The following WDPCP variants were observed in gnomAD, a reference collection of about 807,000 sequenced individuals.
WDPCP encodes the protein WD repeat-containing and planar cell polarity effector protein fritz homolog.
WDPCP carries 71 observed loss-of-function variants against 93.1 expected under a neutral mutation model. That is an observed-to-expected ratio of 0.76 (90% CI 0.63 to 0.93). WDPCP has a LOEUF of 0.93. Ranked by LOEUF, WDPCP falls within the 40% of genes least tolerant of loss-of-function variation. The probability of loss-of-function intolerance (pLI) is 0.00; values close to 1 mark genes in which losing one functional copy is unlikely to be tolerated. For missense variants in WDPCP, 844 were observed against 887.4 expected (o/e 0.95, Z 0.62); for synonymous variants, 315 against 315.0 (o/e 1.00, Z 0.00).
chr2:63,807,301 G>A (rs1265517059), intron 2 of WDPCP, among the ~76,000 whole-genome samples: 13 of 152,176 alleles, frequency 8.5e-5, no homozygotes, highest in African/African-American at 2.2e-4. Flanking sequence ...ATGGCTTAGC[G>A]CCATTCTTGA....
chr2:63,641,904 T>C (rs898252241), intron 3 of WDPCP, among the ~76,000 whole-genome samples: 1 of 152,164 alleles, frequency 6.6e-6, no homozygotes, highest in Non-Finnish European at 1.5e-5. Flanking sequence ...CAATATTTTT[T>C]TAGTAGATTC....
At chr2:63,264,392 C>T (rs972809533) in intron 13 of WDPCP, among the ~76,000 whole-genome samples, 1 of 152,168 alleles carries the variant, frequency 6.6e-6, no homozygotes, top group African/African-American at 2.4e-5. Flanking sequence ...GTAATCCCAG[C>T]ACTTTGGGAG....
intron 14 of WDPCP, among the ~76,000 whole-genome samples, chr2:63,191,028 A>G (rs1289686751): frequency 1.3e-5 from 2 of 152,218 alleles, no homozygotes; most frequent in Admixed American, 6.5e-5. Context: ...CCATGTGCCA[A>G]ATTCAGTTTA....
intron 9 of WDPCP, among the ~76,000 whole-genome samples, chr2:63,428,827 G>A (rs1191897577): frequency 6.6e-6 from 1 of 152,160 alleles, no homozygotes; most frequent in Admixed American, 6.5e-5. Context: ...TAAGAAGACA[G>A]CTAACAAGGG....
intron 12 of WDPCP, among the ~76,000 whole-genome samples, chr2:63,342,028 AG>A (rs1235021884): frequency 1.3e-5 from 2 of 151,954 alleles, no homozygotes; most frequent in African/African-American, 2.4e-5. Context: ...TGGGGTGGGG[AG>A]GGGGTGATAG....
intron 3 of WDPCP, among the ~76,000 whole-genome samples, chr2:63,629,014 A>T (rs1709838975): frequency 6.6e-6 from 1 of 152,260 alleles, no homozygotes; most frequent in African/African-American, 2.4e-5. Flanking sequence ...AAGGTAGAGT[A>T]GACATTCTTT....
chr2:63,749,826 C>G (rs1669853771), intron 2 of WDPCP, among the ~76,000 whole-genome samples: 1 of 152,078 alleles, frequency 6.6e-6, no homozygotes, highest in Non-Finnish European at 1.5e-5. Flanking sequence ...AAAGGACAAA[C>G]TAGGTGCCTA....
chr2:63,818,406 A>T (rs1425972353), intron 1 of WDPCP, among the ~76,000 whole-genome samples: 1 of 152,220 alleles, frequency 6.6e-6, no homozygotes, highest in East Asian at 1.9e-4. Context: ...GTCAACACAT[A>T]ATCAGTGTTG....
chr2:63,575,450 GTA>G (rs1324369296), intron 1 of WDPCP, among the ~76,000 whole-genome samples: 6 of 40,974 alleles, frequency 1.5e-4, no homozygotes, highest in Non-Finnish European at 2.3e-4. Flanking sequence ...TGTATACACT[GTA>G]TATACAGTAT....
At chr2:63,563,385 A>T (rs1158752118) in intron 1 of WDPCP, among the ~76,000 whole-genome samples, 1 of 151,990 alleles carries the variant, frequency 6.6e-6, no homozygotes, top group Non-Finnish European at 1.5e-5. Context: ...ATGAAAAAAT[A>T]CGGAAGCACT....
At chr2:63,511,214 G>A (rs1702211522) in intron 1 of WDPCP, among the ~76,000 whole-genome samples, 1 of 152,114 alleles carries the variant, frequency 6.6e-6, no homozygotes, top group African/African-American at 2.4e-5. Flanking sequence ...TCTTCAAGAA[G>A]AACTACAAAT....
intron 13 of WDPCP, among the ~76,000 whole-genome samples, chr2:63,262,771 G>T (rs939678113): frequency 6.6e-6 from 1 of 152,002 alleles, no homozygotes; most frequent in African/African-American, 2.4e-5. Flanking sequence ...TGGGGTCGTC[G>T]ATTTGAAGAG....
rs397872785 is a variant in WDPCP at position 63,204,336 on chromosome 2, C to CTTTT, written c.1916-29508_1916-29505dup. On this transcript the variant is annotated intron_variant, in intron 14 of 17. Transcript: ENST00000272321. Reference sequence around the variant, plus strand: ...AGCACATTTTTATATGCCCGTTTGCCTTTTTTTTTTTTTTTTTTTTTTGAG... The same window carrying CTTTT: ...AGCACATTTTTATATGCCCGTTTGCCTTTTTTTTTTTTTTTTTTTTTTTTTTGAG... 4.8e-4 allele frequency among the ~76,000 whole-genome samples: 44 copies of CTTTT among 92,276 alleles called. 1 individual carries two copies. Among genetic ancestry groups the CTTTT allele is most frequent in the Non-Finnish European group, 6.7e-4 (31 of 46,206 alleles). 60.5% of individuals were successfully genotyped at this position (92,276 alleles called of 152,430 possible).
intron 1 of WDPCP, among the ~76,000 whole-genome samples, chr2:63,501,976 A>T (rs994732292): frequency 2.6e-5 from 4 of 152,124 alleles, no homozygotes; most frequent in African/African-American, 9.7e-5. Flanking sequence ...ATTGTTTTTT[A>T]AAAAATGCAA....
At chr2:63,234,578 CA>C (rs1679217456) in intron 14 of WDPCP, among the ~76,000 whole-genome samples, 1 of 152,100 alleles carries the variant, frequency 6.6e-6, no homozygotes, top group South Asian at 2.1e-4. Flanking sequence ...TACATATAAT[CA>C]AGAAAGCTGT....
chr2:63,196,334 A>C (rs1361045118), intron 14 of WDPCP, among the ~76,000 whole-genome samples: 1 of 152,236 alleles, frequency 6.6e-6, no homozygotes, highest in Non-Finnish European at 1.5e-5. Context: ...GGACCATTCT[A>C]AAAAAGGAAA....
At chr2:63,419,148 GTT>G (rs1214339099) in intron 9 of WDPCP, among the ~76,000 whole-genome samples, 1 of 152,042 alleles carries the variant, frequency 6.6e-6, no homozygotes, top group Non-Finnish European at 1.5e-5. Context: ...TTTTGTTTTT[GTT>G]TTTGTTTTTT....
At chr2:63,658,074 C>T (rs1395460195) in intron 2 of WDPCP, among the ~76,000 whole-genome samples, 1 of 152,064 alleles carries the variant, frequency 6.6e-6, no homozygotes, top group African/African-American at 2.4e-5. Flanking sequence ...CTTCAAAAAA[C>T]TGAAGGTTCA....
At position 63,820,231 on chromosome 2, in the gene WDPCP, TTTAG is replaced by T. The variant is rs1428422751; in HGVS notation, n.223-6528_223-6525del. On this transcript the variant is annotated intron_variant and non_coding_transcript_variant, in intron 1 of 4. Coordinates refer to the WDPCP transcript ENST00000467687. ...ACAGGTTTGTCAGGAAAATGAATAG[TTTAG>T]TTAGGAACATTTTAATGTTTATAAA... Among the ~76,000 whole-genome samples the T allele has an allele frequency of 4.6e-5, 7 of 151,444 alleles. No homozygotes were observed. The South Asian group carries it at 8.3e-4, about 18-fold the overall frequency.
Sources: allele counts gnomAD v4.1 joint callset (sites outside exome capture counted in the v4.1 genomes callset), GRCh38; gene constraint gnomAD v4.1.1; transcripts MANE v1.5; gene names NCBI Gene and HGNC (gene_info 2026-07-23, HGNC 2026-07-21).